Variants in IQSEC2 observed in about 807,000 individuals in gnomAD.
IQSEC2 encodes the protein IQ motif and SEC7 domain-containing protein 2.
A neutral mutation model predicts 74.6 loss-of-function variants in IQSEC2; 6 were observed. The ratio of observed to expected loss-of-function variants is 0.08; its 90% CI spans 0.04 to 0.16. The LOEUF is 0.16. IQSEC2 is among the 10% of genes least tolerant of loss of function. IQSEC2 has a pLI of 1.00. For missense variants in IQSEC2, 734 were observed against 1,306.2 expected (o/e 0.56, Z 6.75); for synonymous variants, 494 against 544.5 (o/e 0.91, Z 1.29).
intron 8 of IQSEC2, among the ~76,000 whole-genome samples, chrX:53,246,611 C>T (rs782655291): frequency 1.8e-5 from 2 of 111,580 alleles, no homozygotes; most frequent in African/African-American, 3.3e-5. Flanking sequence ...TAAATGAGTC[C>T]TCATGGGCAT....
intron 2 of IQSEC2, among the ~76,000 whole-genome samples, chrX:53,284,532 T>C (rs985983058): frequency 3.6e-5 from 4 of 111,357 alleles, no homozygotes; most frequent in Non-Finnish European, 7.5e-5. Flanking sequence ...CTCCCCCTTG[T>C]TCTTCAAAAG....
At chrX:53,237,749 C>A (rs188059525) in intron 12 of IQSEC2, 2 of 206,198 alleles carry the variant, frequency 9.7e-6, no homozygotes, top group South Asian at 7.8e-5. Flanking sequence ...ATCTCCATGA[C>A]TCTGTGAAGG....
Position 53,234,481 on chromosome X carries a change from G to A in IQSEC2, c.4205C>T (p.Ala1402Val), listed in dbSNP as rs782796942. ...TGGCCGGGATCCAGGGCCCCCAGCCGCGCCTGCTGCTGGCATCATCTGTGG... is the reference window on the plus strand; with the variant it reads ...TGGCCGGGATCCAGGGCCCCCAGCCACGCCTGCTGCTGGCATCATCTGTGG... The part of the protein sequence containing the change: ...HHPQMMPAAG[A>V]AGGPGSRPPG... Residue 1402 changes from alanine (A) to valine (V), a missense_variant, in exon 15 of 15, where the codon GCG becomes GTG. Transcript: ENST00000642864. The A allele has an allele frequency of 2.0e-5, 22 of 1,083,152 alleles. No individual in the cohort carries two copies. The highest frequency in any genetic ancestry group is 1.3e-4 in the South Asian group (5 of 39,874). The allele number at this position is 1,083,152 out of a possible 1,213,427, so 89.3% of individuals were successfully genotyped here. A position where few individuals can be genotyped will look rare whatever the true frequency, so the allele number is the denominator to read the frequency against.
chrX:53,280,464 A>C (rs911721102), intron 2 of IQSEC2, among the ~76,000 whole-genome samples: 1 of 110,616 alleles, frequency 9.0e-6, no homozygotes, highest in African/African-American at 3.3e-5. Context: ...AGAGGCAGAG[A>C]GCGCCAGAGC....
At chrX:53,227,780 G>C (rs1305686261), downstream of IQSEC2, 1 of 207,319 alleles carries the variant, frequency 4.8e-6, no homozygotes, top group Non-Finnish European at 8.8e-6. Context: ...CATGAATCAG[G>C]AATCAGGAGG....
intron 3 of IQSEC2, 54 bp from the exon 4 acceptor site, chrX:53,254,985 T>C (rs1484894854): frequency 7.1e-6 from 8 of 1,128,863 alleles, no homozygotes; most frequent in Admixed American, 2.3e-5. Context: ...CAGCCTCATC[T>C]CCCTAGGCAC....
At chrX:53,231,956 C>T (rs1195924625), downstream of IQSEC2, 1 of 112,123 alleles carries the variant, frequency 8.9e-6, no homozygotes, top group Non-Finnish European at 1.9e-5. Context: ...CTTTTAGAGG[C>T]CATTCCAGAT....
chrX:53,305,215 G>A (rs1019485388), intron 1 of IQSEC2, among the ~76,000 whole-genome samples: 3 of 103,918 alleles, frequency 2.9e-5, no homozygotes, highest in Non-Finnish European at 5.9e-5. Flanking sequence ...CACCACGCCC[G>A]GCCTTATTTA....
In IQSEC2 at chrX:53,234,193, G is replaced by C; in HGVS notation, c.*26C>G. 1.3e-6 allele frequency: 1 copy of C among 778,446 alleles called. No individual in the cohort carries two copies. The highest frequency in any genetic ancestry group is 1.8e-6 in the Non-Finnish European group (1 of 568,063). The allele number at this position is 778,446 out of a possible 1,213,427, so 64.2% of individuals were successfully genotyped here. A position where few individuals can be genotyped will look rare whatever the true frequency, so the allele number is the denominator to read the frequency against. On this transcript the variant is annotated 3_prime_UTR_variant, in exon 15 of 15. Transcript: ENST00000642864. ...CTCCTGTGGCTCCCCAGACTTTCCT[G>C]TTCCCCAGCTCACTCTCTCCATTCA...
At chrX:53,300,486 A>G (rs1448473807) in intron 1 of IQSEC2, among the ~76,000 whole-genome samples, 2 of 110,823 alleles carry the variant, frequency 1.8e-5, no homozygotes, top group African/African-American at 6.6e-5. Context: ...GAAATTGTCT[A>G]TTTCCATGGC....
intron 9 of IQSEC2, 27 bp downstream of exon 9, chrX:53,243,305 C>T (rs1257502353): frequency 8.8e-7 from 1 of 1,141,685 alleles, no homozygotes; most frequent in Non-Finnish European, 1.2e-6. Context: ...GAACCCTGGC[C>T]CCTCTGCAGC....
chrX:53,267,217 T>G (rs2074674939), intron 2 of IQSEC2, among the ~76,000 whole-genome samples: 1 of 111,303 alleles, frequency 9.0e-6, no homozygotes. Flanking sequence ...GAGGCCAGTG[T>G]GATGGATTAT....
At chrX:53,254,498 G>A (rs1281429645) in intron 4 of IQSEC2, 32 bp downstream of exon 4, 1 of 1,176,074 alleles carries the variant, frequency 8.5e-7, no homozygotes, top group East Asian at 3.0e-5. Context: ...ACACGGGGAT[G>A]GGGAAGAAAG....
At chrX:53,267,767 G>C (rs191548663) in intron 2 of IQSEC2, among the ~76,000 whole-genome samples, 7 of 111,926 alleles carry the variant, frequency 6.3e-5, no homozygotes, top group Admixed American at 9.5e-5. Flanking sequence ...GCCCTTGAGC[G>C]CATTATTGTC....
chrX:53,234,397 GGTGA>G lies in IQSEC2; in HGVS notation c.4285_4288del (p.Ser1429ProfsTer65). 1 of 837,271 alleles carries G rather than the reference GGTGA, an allele frequency of 1.2e-6. No individual in the cohort carries two copies. The highest frequency in any genetic ancestry group is 1.6e-6 in the Non-Finnish European group (1 of 639,348). The allele number at this position is 837,271 out of a possible 1,213,427, so 69.0% of individuals were successfully genotyped here. On this transcript the variant is annotated frameshift_variant, in exon 15 of 15. Transcript: ENST00000642864. LOFTEE classifies it high-confidence loss of function. ...TGGATAGGAGGGGTGGGGTGGGATG[GGTGA>G]GTGTGGTGACAATGGTGACTGGGGG...
intron 1 of IQSEC2, among the ~76,000 whole-genome samples, chrX:53,307,763 C>T (rs1412475385): frequency 8.5e-5 from 9 of 106,344 alleles, no homozygotes; most frequent in Non-Finnish European, 1.7e-4. Flanking sequence ...ATTAGCCAGG[C>T]GTGGCAGTGC....
chrX:53,320,451 T>C lies in IQSEC2; in HGVS notation c.673A>G (p.Thr225Ala), dbSNP rs1419493135. 1 of 1,166,592 alleles carries C rather than the reference T, an allele frequency of 8.6e-7. No homozygotes were observed. The highest frequency in any genetic ancestry group is 1.1e-6 in the Non-Finnish European group (1 of 872,437). ...AGGGTCGTGGCCGGGCTGGTGCTGG[T>C]ACTGGTGCTGTGGCCTCCGCCGGCG... ...PGAGGGHSTSTSTSPATTLQR... is the reference protein window; with the variant it reads ...PGAGGGHSTSASTSPATTLQR... Residue 225 changes from threonine (T) to alanine (A), a missense_variant, in exon 1 of 15, where the codon ACC (threonine) becomes GCC (alanine). By Grantham distance (58) the Thr-to-Ala change is moderately conservative. Coordinates refer to ENST00000642864, the MANE Select transcript of IQSEC2 (RefSeq NM_001111125.3).
intron 1 of IQSEC2, among the ~76,000 whole-genome samples, chrX:53,307,911 G>GCA (rs1176656906): frequency 1.9e-5 from 2 of 106,980 alleles, no homozygotes; most frequent in African/African-American, 6.8e-5. Context: ...AAAAGGCCGG[G>GCA]CACGGCGGCT....
intron 2 of IQSEC2, among the ~76,000 whole-genome samples, chrX:53,263,724 C>G (rs1341016232): frequency 8.9e-6 from 1 of 111,741 alleles, no homozygotes; most frequent in Non-Finnish European, 1.9e-5. Context: ...CTGACTCACT[C>G]CTGCCGCTCA....
Sources: allele counts gnomAD v4.1 joint callset (sites outside exome capture counted in the v4.1 genomes callset), GRCh38; gene constraint gnomAD v4.1.1; transcripts MANE v1.5; gene names NCBI Gene and HGNC (gene_info 2026-07-23, HGNC 2026-07-21).